Variants in ANKRD45 observed in about 807,000 individuals in gnomAD.
ANKRD45 encodes ankyrin repeat domain-containing protein 45.
A neutral mutation model predicts 28.1 loss-of-function variants in ANKRD45; 21 were observed. That is an observed-to-expected ratio of 0.75 (90% confidence interval 0.53 to 1.08). The LOEUF is 1.08. Ranked by LOEUF, ANKRD45 falls within the 50% of genes least tolerant of loss-of-function variation. The probability of loss-of-function intolerance (pLI) is 0.00; values close to 1 mark genes in which losing one functional copy is unlikely to be tolerated. For missense variants in ANKRD45, 261 were observed against 308.7 expected (o/e 0.85, Z 1.16); for synonymous variants, 86 against 103.9 (o/e 0.83, Z 1.05).
intron 3 of ANKRD45, among the ~76,000 whole-genome samples, chr1:173,642,776 C>T (rs1668756163): frequency 6.6e-6 from 1 of 152,162 alleles, no homozygotes; most frequent in South Asian, 2.1e-4. Flanking sequence ...TCTGCCTTTG[C>T]CTCTTTTGGG....
intron 3 of ANKRD45, chr1:173,635,777 GTCT>G: frequency 6.5e-7 from 1 of 1,535,364 alleles, no homozygotes. Context: ...ATTACAAGCT[GTCT>G]TCTTCGTCTT....
At chr1:173,665,283 C>A (rs1435961038) in intron 1 of ANKRD45, among the ~76,000 whole-genome samples, 1 of 152,162 alleles carries the variant, frequency 6.6e-6, no homozygotes, top group Non-Finnish European at 1.5e-5. Flanking sequence ...GCTCACAATC[C>A]TCCTGCCTCC....
chr1:173,614,904 C>T (rs1667392800), intron 5 of ANKRD45, among the ~76,000 whole-genome samples: 2 of 152,214 alleles, frequency 1.3e-5, no homozygotes, highest in South Asian at 4.1e-4. Flanking sequence ...GCATCCTCCA[C>T]CTCCCGGATT....
At chr1:173,655,082 T>C (rs4639800) in intron 2 of ANKRD45, among the ~76,000 whole-genome samples, 23,555 of 152,178 alleles carry the variant, frequency 0.15, 6,058 homozygotes, top group African/African-American at 0.53. Flanking sequence ...TTACTGACCT[T>C]CTGAAGCCAA....
intron 1 of ANKRD45, among the ~76,000 whole-genome samples, chr1:173,665,769 G>T (rs1371984017): frequency 6.6e-6 from 1 of 152,146 alleles, no homozygotes; most frequent in Admixed American, 6.5e-5. Flanking sequence ...AGCAGTTTGG[G>T]GGACTGAGGT....
At chr1:173,625,361 T>C (rs1238589935) in intron 4 of ANKRD45, among the ~76,000 whole-genome samples, 2 of 152,160 alleles carry the variant, frequency 1.3e-5, no homozygotes, top group Non-Finnish European at 2.9e-5. Flanking sequence ...GTGGATGGTA[T>C]GAGTTGCATG....
At chr1:173,701,586 A>G in the ANKRD45 span, among the ~76,000 whole-genome samples, 1 of 152,190 alleles carries the variant, frequency 6.6e-6, no homozygotes, top group Non-Finnish European at 1.5e-5. Flanking sequence ...ACCAAACATG[A>G]CATGTTCTCA....
At chr1:173,652,893 T>G (rs574403260) in intron 2 of ANKRD45, among the ~76,000 whole-genome samples, 2 of 152,246 alleles carry the variant, frequency 1.3e-5, no homozygotes, top group Admixed American at 6.5e-5. Flanking sequence ...TAGAGGTGTT[T>G]ATAGTATTGA....
chr1:173,648,583 G>T (rs1187151337), intron 2 of ANKRD45, among the ~76,000 whole-genome samples: 1 of 152,160 alleles, frequency 6.6e-6, no homozygotes, highest in East Asian at 1.9e-4. Flanking sequence ...AGGAGCACCT[G>T]CAACACTTAG....
the ANKRD45 span, among the ~76,000 whole-genome samples, chr1:173,693,085 G>C: frequency 6.6e-6 from 1 of 152,146 alleles, no homozygotes; most frequent in Non-Finnish European, 1.5e-5. Context: ...GATCAACAGA[G>C]GTCAGGAGCT....
the ANKRD45 span, among the ~76,000 whole-genome samples, chr1:173,704,189 GA>G: frequency 6.6e-6 from 1 of 152,156 alleles, no homozygotes; most frequent in Non-Finnish European, 1.5e-5. Context: ...AGGGTTCAGG[GA>G]AATTTGGGAA....
At chr1:173,679,041 A>G in the ANKRD45 span, among the ~76,000 whole-genome samples, 1 of 152,236 alleles carries the variant, frequency 6.6e-6, no homozygotes, top group African/African-American at 2.4e-5. Context: ...GCTCAACAAA[A>G]TAAGAGGACA....
chr1:173,693,294 C>CAA, the ANKRD45 span, among the ~76,000 whole-genome samples: 727 of 141,834 alleles, frequency 5.1e-3, 11 homozygotes, highest in African/African-American at 0.018. Context: ...GACTCCACCT[C>CAA]AAAAAAAAAA....
At chr1:173,618,131 A>G (rs1667544663) in intron 5 of ANKRD45, among the ~76,000 whole-genome samples, 2 of 152,092 alleles carry the variant, frequency 1.3e-5, no homozygotes, top group Non-Finnish European at 2.9e-5. Context: ...CCTCAAAAAA[A>G]CTCCATTCAA....
chr1:173,614,492 C>T (rs1273488060), intron 5 of ANKRD45, among the ~76,000 whole-genome samples: 4 of 152,048 alleles, frequency 2.6e-5, no homozygotes, highest in African/African-American at 4.8e-5. Flanking sequence ...AAGTGGAATT[C>T]TTACCATCAT....
intron 3 of ANKRD45, chr1:173,637,215 C>T (rs902056477): frequency 4.3e-5 from 23 of 537,586 alleles, no homozygotes; most frequent in South Asian, 1.2e-4. Context: ...AAAAAGAACC[C>T]GGACTTACTA....
At chr1:173,679,178 C>A in the ANKRD45 span, among the ~76,000 whole-genome samples, 1 of 152,166 alleles carries the variant, frequency 6.6e-6, no homozygotes, top group Non-Finnish European at 1.5e-5. Flanking sequence ...ACTTTCTTCA[C>A]AGAATTGGAA....
chr1:173,663,319 A>G (rs1312680055), intron 1 of ANKRD45, among the ~76,000 whole-genome samples: 3 of 152,148 alleles, frequency 2.0e-5, no homozygotes, highest in African/African-American at 4.8e-5. Context: ...CACTCATCGC[A>G]AGTGACAGAA....
At chr1:173,693,349 G>T in the ANKRD45 span, among the ~76,000 whole-genome samples, 2 of 151,842 alleles carry the variant, frequency 1.3e-5, no homozygotes, top group African/African-American at 4.8e-5. Context: ...ATTCTATTTT[G>T]TTATGTTATT....
Sources: gnomAD v4.1 joint callset for allele counts (sites outside exome capture counted in the v4.1 genomes callset) on GRCh38, gnomAD v4.1.1 for gene constraint, MANE v1.5 for transcripts, NCBI Gene and HGNC (gene_info 2026-07-23, HGNC 2026-07-21) for gene names.